The following ADCY3 variants were observed in gnomAD, a reference collection of about 807,000 sequenced individuals.
The protein encoded by ADCY3 is adenylate cyclase 3.
Under a neutral mutation model 119.4 loss-of-function variants are expected in ADCY3, and 70 were observed. The ratio of observed to expected loss-of-function variants is 0.59; its 90% confidence interval spans 0.48 to 0.72. ADCY3 has a LOEUF of 0.72. Among genes scored for constraint, ADCY3 ranks in the 30% least tolerant of loss-of-function variants. The pLI is 0.00. For missense variants in ADCY3, 1,238 were observed against 1,541.6 expected, an observed-to-expected ratio of 0.80 and a Z score of 3.30; for synonymous variants, 672 against 621.4, an observed-to-expected ratio of 1.08 and a Z score of -1.21.
chr2:24,908,609 TC>T (rs1378825764), intron 2 of ADCY3, among the ~76,000 whole-genome samples: 3 of 105,218 alleles, frequency 2.9e-5, no homozygotes, highest in African/African-American at 1.3e-4. Context: ...TTAAAGCGCC[TC>T]TATATAATTA....
chr2:24,861,847 G>C (rs528629346), intron 3 of ADCY3, among the ~76,000 whole-genome samples: 1 of 152,346 alleles, frequency 6.6e-6, no homozygotes, highest in Non-Finnish European at 1.5e-5. Context: ...CCAGGGGCTG[G>C]GGGCCAGCGT....
chr2:24,838,101 T>TCA (rs1312506451), intron 8 of ADCY3, among the ~76,000 whole-genome samples: 1 of 123,670 alleles, frequency 8.1e-6, no homozygotes, highest in African/African-American at 3.1e-5. Context: ...AGCATCCACG[T>TCA]CACTCCTGTG....
At chr2:24,912,486 G>C (rs961874754) in intron 2 of ADCY3, among the ~76,000 whole-genome samples, 1 of 152,160 alleles carries the variant, frequency 6.6e-6, no homozygotes, top group Admixed American at 6.5e-5. Context: ...TGGCATCCCA[G>C]CCATTCCATC....
intron 3 of ADCY3, among the ~76,000 whole-genome samples, chr2:24,852,897 C>T (rs888737175): frequency 1.3e-5 from 2 of 152,210 alleles, no homozygotes; most frequent in Admixed American, 6.5e-5. Context: ...CAGCATCACC[C>T]GTGCTCATCA....
At chr2:24,900,949 C>A (rs540376707) in intron 2 of ADCY3, among the ~76,000 whole-genome samples, 1 of 152,232 alleles carries the variant, frequency 6.6e-6, no homozygotes, top group South Asian at 2.1e-4. Context: ...CCTGTAATCC[C>A]AGCTACTTGA....
At chr2:24,824,863 C>T (rs1668363258) in intron 16 of ADCY3, among the ~76,000 whole-genome samples, 1 of 152,170 alleles carries the variant, frequency 6.6e-6, no homozygotes, top group African/African-American at 2.4e-5. Context: ...GCACTCCAGC[C>T]TGGGCAAAAG....
At chr2:24,850,926 T>C (rs1266226246) in intron 3 of ADCY3, among the ~76,000 whole-genome samples, 1 of 152,174 alleles carries the variant, frequency 6.6e-6, no homozygotes, top group Non-Finnish European at 1.5e-5. Flanking sequence ...TGCATAGAAA[T>C]AAAGGCAGAA....
chr2:24,915,768 T>TGACCTCAGGTGATCCGCC (rs1279882554), intron 2 of ADCY3, among the ~76,000 whole-genome samples: 1 of 152,190 alleles, frequency 6.6e-6, no homozygotes, highest in Non-Finnish European at 1.5e-5. Flanking sequence ...CTTGAACTCC[T>TGACCTCAGGTGATCCGCC]GACCTCAGGT....
chr2:24,893,842 A>C (rs1299197766), intron 2 of ADCY3, among the ~76,000 whole-genome samples: 1 of 152,134 alleles, frequency 6.6e-6, no homozygotes, highest in East Asian at 1.9e-4. Flanking sequence ...TCTTGAGCTC[A>C]ATCTGTCCTC....
intron 15 of ADCY3, 186 bp from the exon 16 acceptor site, chr2:24,826,312 C>T (rs566814225): frequency 8.1e-5 from 47 of 578,478 alleles, no homozygotes; most frequent in African/African-American, 6.4e-4. Context: ...CACTGGGCTC[C>T]TCTCCAACAG....
Position 24,842,312 on chromosome 2 carries a change from T to C in ADCY3, c.898A>G (p.Ser300Gly). Residue 300 changes from serine (S) to glycine (G), a missense_variant, in exon 4 of 22, where the codon AGC becomes GGC. Around this residue, in one of 7 missense-constraint regions of ADCY3, gnomAD observed 283 missense variants for 437.2 expected, o/e 0.65. Coordinates refer to ENST00000679454, the MANE Select transcript of ADCY3 (RefSeq NM_004036.5). The surrounding 1 kb of genome is among the most constrained non-coding windows in gnomAD (Gnocchi z 4.9). ...EMLKDMKKDE[S>G]QKDQQQFNTM... ...TTGAACTGCTGCTGGTCCTTCTGGC[T>C]CTCGTCTTTCTTCATGTCTTTCAGC... The C allele has an allele frequency of 6.2e-7, 1 of 1,614,138 alleles. No homozygotes were observed. Among genetic ancestry groups the C allele is most frequent in the Non-Finnish European group, 8.5e-7 (1 of 1,180,046 alleles).
At chr2:24,891,656 T>C (rs1677674803) in intron 2 of ADCY3, among the ~76,000 whole-genome samples, 1 of 152,210 alleles carries the variant, frequency 6.6e-6, no homozygotes, top group South Asian at 2.1e-4. Flanking sequence ...ATCTTCTATA[T>C]GTGAACTTGT....
chr2:24,870,153 A>AAT (rs1264807878), intron 3 of ADCY3, among the ~76,000 whole-genome samples: 4 of 126,928 alleles, frequency 3.2e-5, no homozygotes, highest in East Asian at 2.5e-4. Context: ...CTCCACTAAA[A>AAT]ATATAAAAAA....
intron 2 of ADCY3, among the ~76,000 whole-genome samples, chr2:24,881,558 G>A (rs753751601): frequency 1.8e-4 from 27 of 152,228 alleles, no homozygotes; most frequent in Non-Finnish European, 2.6e-4. Flanking sequence ...GCGTCTGTGT[G>A]TATCTCCCAA....
chr2:24,914,471 G>A (rs539461413), intron 2 of ADCY3, among the ~76,000 whole-genome samples: 21 of 152,166 alleles, frequency 1.4e-4, no homozygotes, highest in African/African-American at 4.8e-4. Context: ...TCAGGAGTTC[G>A]AGGCCAGCCT....
chr2:24,822,312 G>C (rs1572774505), intron 19 of ADCY3, 199 bp downstream of exon 19: 1 of 687,490 alleles, frequency 1.5e-6, no homozygotes. Context: ...ACAGCAGGGG[G>C]TTGTGTGTCT....
intron 3 of ADCY3, among the ~76,000 whole-genome samples, chr2:24,853,435 T>C (rs1672621555): frequency 6.6e-6 from 1 of 151,838 alleles, no homozygotes; most frequent in African/African-American, 2.4e-5. Context: ...AATTGTTTTA[T>C]AGTGTGATTT....
chr2:24,831,437 G>A (rs901208208), intron 12 of ADCY3, among the ~76,000 whole-genome samples: 2 of 152,292 alleles, frequency 1.3e-5, no homozygotes, highest in African/African-American at 2.4e-5. Context: ...GGCCCACCAC[G>A]GCCCAGCCGT....
At chr2:24,837,417 G>A (rs1328569009) in intron 8 of ADCY3, among the ~76,000 whole-genome samples, 1 of 152,192 alleles carries the variant, frequency 6.6e-6, no homozygotes, top group African/African-American at 2.4e-5. Flanking sequence ...ATACAAATTT[G>A]GGAGTTGTCA....
Sources: allele counts gnomAD v4.1 joint callset (sites outside exome capture counted in the v4.1 genomes callset), GRCh38; gene constraint gnomAD v4.1.1; regional missense constraint gnomAD v4.1.1; non-coding constraint Gnocchi (gnomAD v3.1); transcripts MANE v1.5; gene names NCBI Gene and HGNC (gene_info 2026-07-23, HGNC 2026-07-21).